The following HSPA12A variants were observed in gnomAD, a reference collection of about 807,000 sequenced individuals.
HSPA12A encodes heat shock protein family A (Hsp70) member 12A, also known as heat shock 70 kDa protein 12A.
Under a neutral mutation model 69.2 loss-of-function variants are expected in HSPA12A, and 28 were observed. The ratio of observed to expected loss-of-function variants is 0.40; its 90% confidence interval spans 0.30 to 0.55. The LOEUF is 0.55. HSPA12A is among the 20% of genes least tolerant of loss of function. HSPA12A has a pLI of 0.38. For synonymous variants in HSPA12A, 345 were observed against 370.5 expected, an observed-to-expected ratio of 0.93 and a Z score of 0.79; for missense variants, 686 against 900.7, an observed-to-expected ratio of 0.76 and a Z score of 3.05.
chr10:116,757,173 T>G (rs782473714), intron 2 of HSPA12A, among the ~76,000 whole-genome samples: 2 of 152,068 alleles, frequency 1.3e-5, no homozygotes, highest in Non-Finnish European at 2.9e-5. Flanking sequence ...CACAGTAGGC[T>G]TAGCTGGGGG....
At chr10:116,809,015 C>T (rs868697026) in intron 2 of HSPA12A, among the ~76,000 whole-genome samples, 1 of 152,156 alleles carries the variant, frequency 6.6e-6, no homozygotes, top group African/African-American at 2.4e-5. Context: ...GCTCCTTCCT[C>T]TTCCTAGAGG....
At chr10:116,795,589 G>T (rs1330511309) in intron 2 of HSPA12A, among the ~76,000 whole-genome samples, 1 of 150,374 alleles carries the variant, frequency 6.7e-6, no homozygotes, top group Admixed American at 6.6e-5. Flanking sequence ...AGGAGGCTGG[G>T]GCAGGAGAAT....
At chr10:116,836,768 AACAC>A (rs75862523) in intron 1 of HSPA12A, among the ~76,000 whole-genome samples, 26,340 of 146,438 alleles carry the variant, frequency 0.18, 2,388 homozygotes, top group South Asian at 0.23. Flanking sequence ...AAACGAACCG[AACAC>A]ACACACACAC....
In HSPA12A at chr10:116,686,851, C is replaced by T. The variant is rs1378169537; in HGVS notation, c.664-2889G>A. 6.6e-6 allele frequency among the ~76,000 whole-genome samples: 1 copy of T among 150,766 alleles called. No homozygotes were observed. The highest frequency in any genetic ancestry group is 6.6e-5 in the Admixed American group (1 of 15,148). ...TTCCCAAACCATAAGCTCCACCCCT[C>T]ATCCCTCTTCCCACACCATAAGCTC... On this transcript the variant is annotated intron_variant, in intron 6 of 11. Transcript: ENST00000369209. The surrounding 1 kb of genome is among the most constrained non-coding windows in gnomAD (Gnocchi z 4.1).
At chr10:116,769,974 G>A (rs1167391128) in intron 2 of HSPA12A, among the ~76,000 whole-genome samples, 2 of 152,218 alleles carry the variant, frequency 1.3e-5, no homozygotes, top group Non-Finnish European at 2.9e-5. Flanking sequence ...AGGGAAGGCT[G>A]CAAGAAGCGA....
intron 1 of HSPA12A, among the ~76,000 whole-genome samples, chr10:116,843,400 T>C (rs1439647029): frequency 2.6e-5 from 4 of 152,234 alleles, no homozygotes; most frequent in African/African-American, 9.6e-5. Context: ...CATTTTCCTT[T>C]TCCTTCATTT....
In HSPA12A at chr10:116,671,756, A is replaced by T. The variant is rs1040992121; in HGVS notation, c.*3025T>A. The T allele has an allele frequency of 3.3e-5, 5 of 152,674 alleles. No individual in the cohort carries two copies. Among genetic ancestry groups the T allele is most frequent in the African/African-American group, 1.2e-4 (5 of 41,460 alleles). The allele number at this position is 152,674 out of a possible 1,614,324, so 9.5% of individuals were successfully genotyped here. ...GCAGTTACAAAGGAAAGCCTTGATGATTCTGCTTCCAAGAAACGTGAAGAT... is the reference window on the plus strand; with the variant it reads ...GCAGTTACAAAGGAAAGCCTTGATGTTTCTGCTTCCAAGAAACGTGAAGAT... On this transcript the variant is annotated 3_prime_UTR_variant, in exon 12 of 12. Transcript: ENST00000369209.
In HSPA12A at chr10:116,723,214, C is replaced by G. The variant is rs1325015958; in HGVS notation, c.41-15929G>C. On this transcript the variant is annotated intron_variant, in intron 1 of 11. Coordinates refer to ENST00000369209, the MANE Select transcript of HSPA12A (RefSeq NM_025015.3). The surrounding 1 kb of genome is among the most constrained non-coding windows in gnomAD (Gnocchi z 4.1). ...CCATTACCCCCTAACCATTGCCCCC[C>G]CATCATTCCTGTCCTCATACAACCC... 1.3e-5 allele frequency among the ~76,000 whole-genome samples: 2 copies of G among 151,910 alleles called. No individual in the cohort carries two copies. Among genetic ancestry groups the G allele is most frequent in the Non-Finnish European group, 2.9e-5 (2 of 67,938 alleles).
chr10:116,740,685 T>C (rs1029808584), intron 1 of HSPA12A, among the ~76,000 whole-genome samples: 12 of 132,052 alleles, frequency 9.1e-5, no homozygotes, highest in African/African-American at 2.9e-4. Context: ...TCTGTGTGTG[T>C]GTGTGTGTGT....
chr10:116,816,068 T>C (rs969850794), intron 2 of HSPA12A, among the ~76,000 whole-genome samples: 25 of 152,124 alleles, frequency 1.6e-4, no homozygotes, highest in African/African-American at 5.8e-4. Flanking sequence ...CCTCATCTTA[T>C]GGGAGAGGAA....
At chr10:116,728,528 G>C (rs1454414072) in intron 1 of HSPA12A, among the ~76,000 whole-genome samples, 1 of 152,180 alleles carries the variant, frequency 6.6e-6, no homozygotes, top group South Asian at 2.1e-4. Context: ...CCTCAGTGAC[G>C]AATGTAGGCT....
At chr10:116,689,799 GAAAAA>G (rs59745092) in intron 6 of HSPA12A, among the ~76,000 whole-genome samples, 1 of 146,960 alleles carries the variant, frequency 6.8e-6, no homozygotes. Flanking sequence ...AAAGGCAGGG[GAAAAA>G]AAAAAAAAAA....
At chr10:116,680,259 G>A (rs1223776902) in intron 9 of HSPA12A, among the ~76,000 whole-genome samples, 1 of 151,918 alleles carries the variant, frequency 6.6e-6, no homozygotes, top group Admixed American at 6.6e-5. Flanking sequence ...CAAAGTTCTG[G>A]GATTACAGGC....
At chr10:116,760,851 T>C (rs1417446686) in intron 2 of HSPA12A, among the ~76,000 whole-genome samples, 1 of 152,152 alleles carries the variant, frequency 6.6e-6, no homozygotes, top group Non-Finnish European at 1.5e-5. Context: ...TATTAAAGTA[T>C]AAGTGTAGGC....
chr10:116,730,307 C>A (rs568917035), intron 1 of HSPA12A, among the ~76,000 whole-genome samples: 1 of 152,328 alleles, frequency 6.6e-6, no homozygotes, highest in East Asian at 1.9e-4. Context: ...GTGACCCATA[C>A]TTTTGAGATA....
At chr10:116,839,628 A>C (rs1845773246) in intron 1 of HSPA12A, among the ~76,000 whole-genome samples, 1 of 149,188 alleles carries the variant, frequency 6.7e-6, no homozygotes, top group South Asian at 2.1e-4. Context: ...AAAAAAAAAA[A>C]AACCTAAAAT....
Position 116,672,042 on chromosome 10 carries a change from T to C in HSPA12A, c.*2739A>G. The C allele has an allele frequency of 6.6e-6, 1 of 152,166 alleles. No individual in the cohort carries two copies. Among genetic ancestry groups the C allele is most frequent in the East Asian group, 1.9e-4 (1 of 5,190 alleles). 9.4% of individuals were successfully genotyped at this position (152,166 alleles called of 1,614,324 possible). A position where few individuals can be genotyped will look rare whatever the true frequency, so the allele number is the denominator to read the frequency against. On this transcript the variant is annotated 3_prime_UTR_variant, in exon 12 of 12. Transcript: ENST00000369209. The stretch of plus-strand genomic sequence containing the variant: ...GCCAACACTGCAGATTTCTATCTGC[T>C]CATTTAAGAGAAACAGTACACAGGG...
At chr10:116,702,906 A>T (rs375947247) in intron 3 of HSPA12A, among the ~76,000 whole-genome samples, 1 of 152,188 alleles carries the variant, frequency 6.6e-6, no homozygotes, top group East Asian at 1.9e-4. Context: ...GTGGTGCTTC[A>T]TAAGTACCCC....
chr10:116,787,872 C>G (rs1844611525), intron 2 of HSPA12A, among the ~76,000 whole-genome samples: 1 of 152,038 alleles, frequency 6.6e-6, no homozygotes, highest in Non-Finnish European at 1.5e-5. Context: ...CTGGCTTCAG[C>G]GTGGGGGCAC....
Sources: gnomAD v4.1 joint callset for allele counts (sites outside exome capture counted in the v4.1 genomes callset) on GRCh38, gnomAD v4.1.1 for gene constraint, Gnocchi (gnomAD v3.1) non-coding constraint, MANE v1.5 for transcripts, NCBI Gene and HGNC (gene_info 2026-07-23, HGNC 2026-07-21) for gene names.